Variants in TAB2 observed in about 807,000 individuals in gnomAD.
The protein encoded by TAB2 is TGF-beta-activated kinase 1 and MAP3K7-binding protein 2.
TAB2 carries 3 observed loss-of-function variants against 65.0 expected under a neutral mutation model. The observed-to-expected ratio is 0.05, with a 90% CI of 0.02 to 0.12. The LOEUF is 0.12. Ranked by LOEUF, TAB2 falls within the 10% of genes least tolerant of loss-of-function variation. The pLI, the probability that TAB2 is intolerant of heterozygous loss-of-function variation, is 1.00. For missense variants in TAB2, 623 were observed against 840.3 expected (o/e 0.74, Z 3.20); for synonymous variants, 298 against 285.1 (o/e 1.05, Z -0.46).
At chr6:149,236,688 C>T (rs191415654) in intron 1 of TAB2, among the ~76,000 whole-genome samples, 25 of 152,292 alleles carry the variant, frequency 1.6e-4, no homozygotes, top group Admixed American at 1.5e-3. Context: ...TGGAAAGGAA[C>T]TTGGCTGAAG....
chr6:149,289,315 C>T (rs544850492), intron 1 of TAB2, among the ~76,000 whole-genome samples: 38 of 151,968 alleles, frequency 2.5e-4, no homozygotes, highest in African/African-American at 6.0e-4. Flanking sequence ...ATTGCTTGAG[C>T]CCAAGGGGAA....
At chr6:149,220,443 C>T (rs147286508) in intron 1 of TAB2, among the ~76,000 whole-genome samples, 35 of 152,120 alleles carry the variant, frequency 2.3e-4, no homozygotes, top group African/African-American at 4.6e-4. Context: ...GGACACCATG[C>T]GTTGGTCATT....
chr6:149,312,608 C>T (rs1309512463), intron 1 of TAB2, among the ~76,000 whole-genome samples: 1 of 152,222 alleles, frequency 6.6e-6, no homozygotes, highest in Non-Finnish European at 1.5e-5. Context: ...AGTGATCCAC[C>T]TGCCTCAGCC....
At chr6:149,242,375 T>A (rs957662139) in intron 1 of TAB2, among the ~76,000 whole-genome samples, 90 of 152,350 alleles carry the variant, frequency 5.9e-4, no homozygotes, top group African/African-American at 2.0e-3. Context: ...AAGTAACCTT[T>A]AAGTATAAAC....
chr6:149,298,609 C>T (rs950954725), intron 1 of TAB2, among the ~76,000 whole-genome samples: 1 of 151,972 alleles, frequency 6.6e-6, no homozygotes, highest in Non-Finnish European at 1.5e-5. Context: ...CCTGTCTCAA[C>T]AACAACAAAA....
chr6:149,379,810 T>A (rs140391735), intron 3 of TAB2: 1 of 446,152 alleles, frequency 2.2e-6, no homozygotes, highest in Non-Finnish European at 4.4e-6. Flanking sequence ...GTTAATCTTA[T>A]ACCTGTGGTG....
chr6:149,274,261 G>A (rs541216008), intron 1 of TAB2, among the ~76,000 whole-genome samples: 1 of 152,296 alleles, frequency 6.6e-6, no homozygotes, highest in Middle Eastern at 3.4e-3. Context: ...CCCGGTTAAG[G>A]GATCCTGTTG....
chr6:149,364,791 C>T (rs1211165965), intron 1 of TAB2, among the ~76,000 whole-genome samples: 1 of 150,518 alleles, frequency 6.6e-6, no homozygotes, highest in Non-Finnish European at 1.5e-5. Flanking sequence ...AATCTGGAGA[C>T]GTGGTCTCGT....
At chr6:149,253,617 CA>C (rs1170705031) in intron 1 of TAB2, among the ~76,000 whole-genome samples, 205 of 65,266 alleles carry the variant, frequency 3.1e-3, no homozygotes, top group Middle Eastern at 0.016. Context: ...AAGACTGTCT[CA>C]AAAAAAAAAA....
At position 149,221,420 on chromosome 6, in the gene TAB2, C is replaced by T. The variant is rs541364297; in HGVS notation, c.-121+2644C>T. On this transcript the variant is annotated intron_variant, in intron 1 of 1. Coordinates refer to the TAB2 transcript ENST00000606202. ...GTCCTAAAACACAGCCATTTTCATC[C>T]GCCTCCATGGCTACTGCATCATCAG... is the stretch of plus-strand genomic sequence containing the variant. 9.8e-5 allele frequency: 15 copies of T among 152,318 alleles called. No homozygotes were observed. In the East Asian group the frequency reaches 1.3e-3, roughly 14 times the overall value. The allele number at this position is 152,318 out of a possible 1,614,324, so 9.4% of individuals were successfully genotyped here. A position where few individuals can be genotyped will look rare whatever the true frequency, so the allele number is the denominator to read the frequency against.
rs1778818333 is a variant in TAB2, at chr6:149,293,550, T to C, written c.-121+74774T>C. Among the ~76,000 whole-genome samples the C allele has an allele frequency of 6.6e-5, 10 of 152,362 alleles. No homozygotes were observed. In the South Asian group the frequency reaches 2.1e-3, roughly 32 times the overall value. ...TGCACATTCCAATAGCATTTTCCGC[T>C]GGAATGTTGAATTTAATGAATGAAA... On this transcript the variant is annotated intron_variant, in intron 1 of 1. Coordinates refer to the TAB2 transcript ENST00000606202.
intron 3 of TAB2, among the ~76,000 whole-genome samples, chr6:149,388,077 G>T (rs575749144): frequency 1.3e-5 from 2 of 152,290 alleles, no homozygotes; most frequent in East Asian, 3.9e-4. Flanking sequence ...TTTGATAGAT[G>T]TATCATTTAG....
At chr6:149,350,815 ACT>A (rs999033104) in intron 1 of TAB2, among the ~76,000 whole-genome samples, 3 of 151,842 alleles carry the variant, frequency 2.0e-5, no homozygotes, top group African/African-American at 7.3e-5. Flanking sequence ...TTCCAGCAAA[ACT>A]CATAATTATG....
chr6:149,257,675 T>G (rs1214615708), intron 1 of TAB2: 1 of 152,142 alleles, frequency 6.6e-6, no homozygotes, highest in Non-Finnish European at 1.5e-5. Flanking sequence ...TTGTCAATAA[T>G]GCAGATCCTT....
intron 1 of TAB2, among the ~76,000 whole-genome samples, chr6:149,289,791 T>C (rs1778744215): frequency 6.6e-6 from 1 of 152,150 alleles, no homozygotes; most frequent in South Asian, 2.1e-4. Flanking sequence ...GGCTACAACT[T>C]GGTTTTATAC....
chr6:149,263,727 G>A lies in TAB2; in HGVS notation c.-121+44951G>A, dbSNP rs192275594. On this transcript the variant is annotated intron_variant, in intron 1 of 1. Coordinates refer to the TAB2 transcript ENST00000606202. The stretch of plus-strand genomic sequence containing the variant: ...ACTTAATAGGCTCCTTTACTTCTAC[G>A]AGCCAGGCACACAATTTCCCTAAAA... Among the ~76,000 whole-genome samples, 38 of 152,232 alleles carry A rather than the reference G, an allele frequency of 2.5e-4. 1 individual carries two copies. Among genetic ancestry groups the A allele is most frequent in the Admixed American group, 2.0e-3 (31 of 15,296 alleles).
chr6:149,395,643 TTAGACA>T (rs1375504864), intron 3 of TAB2, among the ~76,000 whole-genome samples: 1 of 152,160 alleles, frequency 6.6e-6, no homozygotes, highest in Admixed American at 6.5e-5. Context: ...TCACTTTGTT[TTAGACA>T]ATGTCTGCTG....
At chr6:149,363,097 A>C (rs1233167769) in intron 1 of TAB2, among the ~76,000 whole-genome samples, 1 of 152,174 alleles carries the variant, frequency 6.6e-6, no homozygotes, top group Non-Finnish European at 1.5e-5. Context: ...TTATTGACTA[A>C]GTATCTAGGC....
At chr6:149,387,489 A>G (rs779399960) in intron 3 of TAB2, among the ~76,000 whole-genome samples, 4 of 152,118 alleles carry the variant, frequency 2.6e-5, no homozygotes, top group Non-Finnish European at 4.4e-5. Flanking sequence ...TGCCAATACC[A>G]TATGGTCTTA....
Sources: allele counts gnomAD v4.1 joint callset (sites outside exome capture counted in the v4.1 genomes callset), GRCh38; gene constraint gnomAD v4.1.1; transcripts MANE v1.5; gene names NCBI Gene and HGNC (gene_info 2026-07-23, HGNC 2026-07-21).